Variants in ZNF25 observed in about 807,000 individuals in gnomAD.
The protein encoded by ZNF25 is zinc finger protein 25 (KOX 19).
A neutral mutation model predicts 30.9 loss-of-function variants in ZNF25; 21 were observed. That is an observed-to-expected ratio of 0.68 (90% CI 0.48 to 0.98). The LOEUF is 0.98. Among genes scored for constraint, ZNF25 ranks in the 50% least tolerant of loss-of-function variants. The pLI, the probability that ZNF25 is intolerant of heterozygous loss-of-function variation, is 0.00. For synonymous variants in ZNF25, 169 were observed against 181.3 expected, an observed-to-expected ratio of 0.93 and a Z score of 0.55; for missense variants, 501 against 529.9, an observed-to-expected ratio of 0.95 and a Z score of 0.54.
Position 37,955,008 on chromosome 10 carries a change from G to T in ZNF25, c.239-1250C>A, listed in dbSNP as rs372394393. On this transcript the variant is annotated intron_variant, in intron 4 of 5. Coordinates refer to ENST00000302609, the MANE Select transcript of ZNF25 (RefSeq NM_145011.4). ...ACCTCTACTAAAAATACAAAAATTA[G>T]CTGGATCTGGTTGTGGGCACCTGTA... 1.1e-4 allele frequency among the ~76,000 whole-genome samples: 17 copies of T among 152,146 alleles called. No homozygotes were observed. In the East Asian group the frequency reaches 1.7e-3, roughly 16 times the overall value.
chr10:37,958,743 C>T (rs1173576644), intron 2 of ZNF25, among the ~76,000 whole-genome samples: 1 of 150,908 alleles, frequency 6.6e-6, no homozygotes, highest in African/African-American at 2.4e-5. Context: ...CACAGTAAGA[C>T]TCTATCAAAA....
At chr10:37,975,424 C>A (rs1179162349) in intron 1 of ZNF25, among the ~76,000 whole-genome samples, 1 of 151,702 alleles carries the variant, frequency 6.6e-6, no homozygotes, top group Admixed American at 6.6e-5. Flanking sequence ...AAAACCACTT[C>A]CAGCTAGCAT....
In ZNF25 at chr10:37,971,724, T is replaced by G; in HGVS notation, c.-2A>C. The stretch of plus-strand genomic sequence containing the variant: ...ATGACTCACCTGGAACTTGTTCATT[T>G]TCTGCTGCTCTTGGGAAAGGCTGAA... On this transcript the variant is annotated 5_prime_UTR_variant, in exon 2 of 6. Transcript: ENST00000302609. 6.2e-7 allele frequency: 1 copy of G among 1,613,986 alleles called. No individual in the cohort carries two copies. The highest frequency in any genetic ancestry group is 8.5e-7 in the Non-Finnish European group (1 of 1,180,024).
chr10:37,960,390 G>A (rs1193966834), intron 2 of ZNF25, among the ~76,000 whole-genome samples: 3 of 150,970 alleles, frequency 2.0e-5, no homozygotes, highest in African/African-American at 7.3e-5. Flanking sequence ...TGAGGCGGGC[G>A]GATCACGAGG....
intron 2 of ZNF25, among the ~76,000 whole-genome samples, chr10:37,958,243 G>T (rs2062649945): frequency 6.6e-6 from 1 of 152,152 alleles, no homozygotes; most frequent in Non-Finnish European, 1.5e-5. Flanking sequence ...ACAAATGGGG[G>T]TAATTATTTG....
intron 1 of ZNF25, among the ~76,000 whole-genome samples, chr10:37,976,048 T>A (rs2063788585): frequency 6.6e-6 from 1 of 152,166 alleles, no homozygotes; most frequent in African/African-American, 2.4e-5. Context: ...AACAGCATGT[T>A]TTGTAATAAT....
intron 2 of ZNF25, among the ~76,000 whole-genome samples, chr10:37,959,331 AG>A (rs1396529259): frequency 6.6e-6 from 1 of 152,238 alleles, no homozygotes; most frequent in Non-Finnish European, 1.5e-5. Flanking sequence ...AAGCAACAGC[AG>A]TGGGGGAAAG....
rs1373914940 is a variant in ZNF25 at position 37,952,541 on chromosome 10, A to G, written c.957T>C (p.Cys319=). ...CTGACTTCTGGTAGAAGCATTTCCT[A>G]CATTCCTTACATTCATAGGGTTTCT... ...TGEKPYECKE[C]RKCFYQKSAL... Residue 319 remains cysteine, a synonymous_variant, in exon 6 of 6, where the codon TGT becomes TGC. Coordinates refer to ENST00000302609, the MANE Select transcript of ZNF25 (RefSeq NM_145011.4). 2.5e-6 allele frequency: 4 copies of G among 1,613,590 alleles called. No homozygotes were observed. The highest frequency in any genetic ancestry group is 2.7e-5 in the African/African-American group (2 of 74,838).
rs145320581 is a variant in ZNF25, at chr10:37,951,860, A to G, written c.*267T>C. The stretch of plus-strand genomic sequence containing the variant: ...TTCTATGTTGCAAAACAAAAGTATG[A>G]CTTCTGAAAGGTTTCCTTCCTGTTT... On this transcript the variant is annotated 3_prime_UTR_variant, in exon 6 of 6. Coordinates refer to ENST00000302609, the MANE Select transcript of ZNF25 (RefSeq NM_145011.4). The G allele has an allele frequency of 3.9e-5, 14 of 354,560 alleles. No individual in the cohort carries two copies. In the East Asian group the frequency reaches 6.0e-4, roughly 15 times the overall value. The allele number at this position is 354,560 out of a possible 1,614,324, so 22.0% of individuals were successfully genotyped here.
chr10:37,963,162 G>A (rs1313325760), intron 2 of ZNF25, among the ~76,000 whole-genome samples: 1 of 151,256 alleles, frequency 6.6e-6, no homozygotes, highest in African/African-American at 2.4e-5. Context: ...TGTCACCCAG[G>A]CTGGAGCGTA....
intron 4 of ZNF25, among the ~76,000 whole-genome samples, chr10:37,955,080 G>A (rs1247543549): frequency 1.3e-5 from 2 of 152,056 alleles, no homozygotes; most frequent in Non-Finnish European, 2.9e-5. Flanking sequence ...CTTGAACTCA[G>A]GAGGTGGAGG....
rs1278089727 is a variant in ZNF25, at chr10:37,971,860, T to C, written c.-85-53A>G. On this transcript the variant is annotated intron_variant, in intron 1 of 5. Coordinates refer to ENST00000302609, the MANE Select transcript of ZNF25 (RefSeq NM_145011.4). The stretch of plus-strand genomic sequence containing the variant: ...AGTAAAATATATACCTTTGAGAAAA[T>C]GTCCCTTTGACCCATTAGAAAGCAT... 4.1e-6 allele frequency: 5 copies of C among 1,228,490 alleles called. No individual in the cohort carries two copies. The African/African-American group carries it at 6.0e-5, about 15-fold the overall frequency. The allele number at this position is 1,228,490 out of a possible 1,614,324, so 76.1% of individuals were successfully genotyped here. A position where few individuals can be genotyped will look rare whatever the true frequency, so the allele number is the denominator to read the frequency against.
chr10:37,956,934 A>T (rs2062564692), intron 4 of ZNF25, 86 bp downstream of exon 4: 9 of 947,852 alleles, frequency 9.5e-6, no homozygotes, highest in Middle Eastern at 4.4e-4. Flanking sequence ...AAAAAAAAAA[A>T]GTGAGAGATT....
intron 1 of ZNF25, among the ~76,000 whole-genome samples, chr10:37,974,974 AC>A (rs1789432929): frequency 6.6e-6 from 1 of 152,222 alleles, no homozygotes; most frequent in Non-Finnish European, 1.5e-5. Context: ...CAAAGATGGA[AC>A]TGGAGGGCAT....
intron 2 of ZNF25, among the ~76,000 whole-genome samples, chr10:37,969,928 C>T (rs1372449635): frequency 2.0e-5 from 3 of 152,100 alleles, no homozygotes; most frequent in African/African-American, 4.8e-5. Context: ...TCTCGACTCA[C>T]TTTATAAGGC....
chr10:37,969,702 C>T (rs1308563638), intron 2 of ZNF25, among the ~76,000 whole-genome samples: 2 of 152,122 alleles, frequency 1.3e-5, no homozygotes, highest in Non-Finnish European at 2.9e-5. Context: ...TGGTGTTACA[C>T]AATACTGTGA....
rs146448148 is a variant in ZNF25 at position 37,960,540 on chromosome 10, C to T, written c.16-2994G>A. On this transcript the variant is annotated intron_variant, in intron 2 of 5. Coordinates refer to ENST00000302609, the MANE Select transcript of ZNF25 (RefSeq NM_145011.4). ...TCGGGAGGCTGAGGCAGGAGAATGA[C>T]GTGAACCCAGGAGGTGGAGGTTGGA... is the stretch of plus-strand genomic sequence containing the variant. Among the ~76,000 whole-genome samples, 27 of 138,090 alleles carry T rather than the reference C, an allele frequency of 2.0e-4. No homozygotes were observed. The East Asian group carries it at 6.0e-3, about 30-fold the overall frequency. 90.6% of individuals were successfully genotyped at this position (138,090 alleles called of 152,430 possible). A position where few individuals can be genotyped will look rare whatever the true frequency, so the allele number is the denominator to read the frequency against.
chr10:37,974,786 C>A (rs565812042), intron 1 of ZNF25, among the ~76,000 whole-genome samples: 1 of 151,942 alleles, frequency 6.6e-6, no homozygotes, highest in African/African-American at 2.4e-5. Flanking sequence ...AAGGGAAATC[C>A]GTATATTGAA....
In ZNF25 at chr10:37,952,227, T is replaced by C. The variant is rs928861191; in HGVS notation, c.1271A>G (p.Lys424Arg). 1 of 1,614,016 alleles carries C rather than the reference T, an allele frequency of 6.2e-7. No homozygotes were observed. Among genetic ancestry groups the C allele is most frequent in the African/African-American group, 1.3e-5 (1 of 74,942 alleles). The change falls in exon 6 of 6, where the codon AAG becomes AGG. Residue 424 changes from lysine (K) to arginine (R), a missense_variant. By Grantham distance (26) the Lys-to-Arg change is conservative (BLOSUM62 2). Transcript: ENST00000302609. ...CCCACACTCCTGACACTCATAGGGCTTCTCCCCTGTGTGTTTTCTCTGATG... is the reference window on the plus strand; with the variant it reads ...CCCACACTCCTGACACTCATAGGGCCTCTCCCCTGTGTGTTTTCTCTGATG... ...IIHQRKHTGE[K>R]PYECQECGET... is the part of the protein sequence containing the mutation.
Sources: gnomAD v4.1 joint callset for allele counts (sites outside exome capture counted in the v4.1 genomes callset) on GRCh38, gnomAD v4.1.1 for gene constraint, MANE v1.5 for transcripts, NCBI Gene and HGNC (gene_info 2026-07-23, HGNC 2026-07-21) for gene names.